The following TIAM1 variants were observed in gnomAD, a reference collection of about 807,000 sequenced individuals.
TIAM1 encodes the protein rho guanine nucleotide exchange factor TIAM1.
A neutral mutation model predicts 163.5 loss-of-function variants in TIAM1; 65 were observed. The observed-to-expected ratio is 0.40, with a 90% CI of 0.33 to 0.49. TIAM1 has a LOEUF of 0.49. TIAM1 is among the 20% of genes least tolerant of loss of function. The pLI, the probability that TIAM1 is intolerant of heterozygous loss-of-function variation, is 0.77. For missense variants in TIAM1, 1,789 were observed against 2,044.7 expected (o/e 0.87, Z 2.41); for synonymous variants, 833 against 810.1 (o/e 1.03, Z -0.48).
intron 7 of TIAM1, 147 bp from the exon 8 acceptor site, chr21:31,223,738 T>C: frequency 1.3e-6 from 1 of 778,948 alleles, no homozygotes; most frequent in Non-Finnish European, 1.8e-6. Flanking sequence ...TCTTAGTTAC[T>C]TATGTTTCTT....
chr21:31,184,777 C>T (rs1488321528), intron 14 of TIAM1, among the ~76,000 whole-genome samples: 1 of 152,172 alleles, frequency 6.6e-6, no homozygotes, highest in Non-Finnish European at 1.5e-5. Flanking sequence ...TGGCCCCAGG[C>T]TGCCTATGGC....
chr21:31,299,431 G>A (rs1043467367), intron 2 of TIAM1, among the ~76,000 whole-genome samples: 12 of 152,150 alleles, frequency 7.9e-5, no homozygotes, highest in Admixed American at 2.0e-4. Context: ...ATTTCTTGTT[G>A]GGACTTGCAC....
intron 27 of TIAM1, 83 bp downstream of exon 27, chr21:31,124,439 C>T (rs1385440161): frequency 2.6e-6 from 4 of 1,567,066 alleles, no homozygotes; most frequent in Non-Finnish European, 3.5e-6. Context: ...CTCACCCCCA[C>T]TCAACAAGGA....
intron 1 of TIAM1, among the ~76,000 whole-genome samples, chr21:31,483,694 G>A (rs555645614): frequency 2.2e-4 from 34 of 152,206 alleles, no homozygotes; most frequent in African/African-American, 7.5e-4. Context: ...GATATCGCAA[G>A]AGGCACTGCT....
intron 1 of TIAM1, among the ~76,000 whole-genome samples, chr21:31,537,002 G>A (rs1031974263): frequency 1.3e-5 from 2 of 152,212 alleles, no homozygotes; most frequent in Admixed American, 1.3e-4. Flanking sequence ...AGAGACTCTG[G>A]GGAAGGATCC....
intron 1 of TIAM1, among the ~76,000 whole-genome samples, chr21:31,555,818 C>G (rs1364743421): frequency 6.6e-6 from 1 of 152,158 alleles, no homozygotes; most frequent in Non-Finnish European, 1.5e-5. Flanking sequence ...TTAATACATG[C>G]ACCTAGTAGG....
At chr21:31,438,325 G>A (rs2044292007) in intron 2 of TIAM1, among the ~76,000 whole-genome samples, 1 of 151,426 alleles carries the variant, frequency 6.6e-6, no homozygotes, top group East Asian at 1.9e-4. Flanking sequence ...CCAAGTAGCT[G>A]GGATTACAGG....
chr21:31,362,273 T>G (rs1320426421), intron 2 of TIAM1, among the ~76,000 whole-genome samples: 11 of 152,042 alleles, frequency 7.2e-5, no homozygotes. Flanking sequence ...CTGGTGTCAC[T>G]GGACTGGATG....
chr21:31,364,731 G>A (rs1200888474), intron 2 of TIAM1, among the ~76,000 whole-genome samples: 1 of 152,140 alleles, frequency 6.6e-6, no homozygotes, highest in Non-Finnish European at 1.5e-5. Context: ...ATGGATGGAC[G>A]AATGGACAGA....
At chr21:31,220,726 C>T (rs2087509297) in intron 8 of TIAM1, among the ~76,000 whole-genome samples, 1 of 152,184 alleles carries the variant, frequency 6.6e-6, no homozygotes, top group Non-Finnish European at 1.5e-5. Context: ...AATAATGACT[C>T]AAAATGAGCA....
chr21:31,540,489 G>A (rs569581629), intron 1 of TIAM1, among the ~76,000 whole-genome samples: 21 of 152,180 alleles, frequency 1.4e-4, no homozygotes, highest in African/African-American at 3.9e-4. Context: ...CTATAATCCC[G>A]GCACTTTGGG....
chr21:31,537,231 TC>T (rs893506208), intron 1 of TIAM1, among the ~76,000 whole-genome samples: 1 of 152,164 alleles, frequency 6.6e-6, no homozygotes, highest in African/African-American at 2.4e-5. Flanking sequence ...ATTCTGAAGT[TC>T]CAGTGACATG....
rs1340245253 is a variant in TIAM1 at position 31,120,530 on chromosome 21, T to C, written c.4614A>G (p.Arg1538=). 1.9e-5 allele frequency: 31 copies of C among 1,614,098 alleles called. No individual in the cohort carries two copies. Among genetic ancestry groups the C allele is most frequent in the Admixed American group, 1.3e-4 (8 of 60,004 alleles). The change falls in exon 28 of 28, where the codon AGA becomes AGG. Residue 1538 remains arginine (R), a synonymous_variant. Transcript: ENST00000541036. The surrounding 1 kb of genome is among the most constrained non-coding windows in gnomAD (Gnocchi z 4.2). The stretch of plus-strand genomic sequence containing the variant: ...CGTGACTATCCAGGGTTTTCCGGCC[T>C]CTTTCCCGCTGACTGATGGAGGTGG... The part of the protein sequence containing the change: ...LQATSISQRE[R]GRKTLDSHAS...
chr21:31,532,022 TAGG>T (rs1293001972), intron 1 of TIAM1, among the ~76,000 whole-genome samples: 1 of 151,876 alleles, frequency 6.6e-6, no homozygotes, highest in African/African-American at 2.4e-5. Flanking sequence ...GGAGCTGAGG[TAGG>T]AGGATTCCTT....
intron 1 of TIAM1, among the ~76,000 whole-genome samples, chr21:31,531,748 C>T (rs1379801094): frequency 1.6e-5 from 2 of 122,020 alleles, no homozygotes; most frequent in African/African-American, 3.2e-5. Context: ...TTACATTCAA[C>T]TATACAGGAG....
intron 12 of TIAM1, among the ~76,000 whole-genome samples, chr21:31,198,929 CAAG>C (rs1446424009): frequency 3.3e-5 from 5 of 152,308 alleles, no homozygotes; most frequent in African/African-American, 1.2e-4. Context: ...AACTATATCT[CAAG>C]AAGCGTTTGT....
At position 31,266,037 on chromosome 21, in the gene TIAM1, C is replaced by A. The variant is rs1249210135; in HGVS notation, c.936G>T (p.Met312Ile). The A allele has an allele frequency of 2.5e-6, 4 of 1,614,152 alleles. No individual in the cohort carries two copies. In the Admixed American group the frequency reaches 5.0e-5, roughly 20 times the overall value. The change falls in exon 4 of 28, where the codon ATG becomes ATT. Residue 312 changes from methionine to isoleucine, a missense_variant. Transcript: ENST00000541036. ...GAGTTGTTTTAGCTCTTCTGCCTTG[C>A]ATGCTGTTGCTATGGCTAATTTGTG... ...TNPQISHSNS[M>I]QGRRAKTTQD... is the part of the protein sequence containing the mutation.
In TIAM1 at chr21:31,182,445, G is replaced by C. The variant is rs138034109; in HGVS notation, c.2863C>G (p.Leu955Val). ...CCTGGGTTGCTGGTGAGAAAGGCGA[G>C]GGGGCTCTCGCCAAGGTCGGCAGGG... ...DGPADLGESP[L>V]AFLTSNPGHS... The change falls in exon 15 of 28, where the codon CTC (leucine) becomes GTC (valine). Residue 955 changes from leucine (L) to valine (V), a missense_variant. Physicochemically the swap from Leu to Val is conservative, Grantham distance 32. This residue lies in a region of TIAM1 where 303 missense variants were observed against 321.3 expected (regional missense o/e 0.94). Coordinates refer to ENST00000541036, the MANE Select transcript of TIAM1 (RefSeq NM_001353694.2). 6 of 1,591,942 alleles carry C rather than the reference G, an allele frequency of 3.8e-6. No homozygotes were observed. In the African/African-American group the frequency reaches 4.0e-5, roughly 11 times the overall value.
At chr21:31,334,932 C>G (rs1312315822) in intron 2 of TIAM1, among the ~76,000 whole-genome samples, 1 of 152,132 alleles carries the variant, frequency 6.6e-6, no homozygotes, top group Non-Finnish European at 1.5e-5. Context: ...CTGGCTGCAA[C>G]CACCCGACCC....
Sources: allele counts gnomAD v4.1 joint callset (sites outside exome capture counted in the v4.1 genomes callset), GRCh38; gene constraint gnomAD v4.1.1; regional missense constraint gnomAD v4.1.1; non-coding constraint Gnocchi (gnomAD v3.1); transcripts MANE v1.5; gene names NCBI Gene and HGNC (gene_info 2026-07-23, HGNC 2026-07-21).